The following COBLL1 variants were observed in gnomAD, a reference collection of about 807,000 sequenced individuals.
COBLL1 encodes the protein cordon-bleu protein-like 1.
COBLL1 carries 50 observed loss-of-function variants against 94.8 expected under a neutral mutation model. The observed-to-expected ratio is 0.53, with a 90% CI of 0.42 to 0.67. The LOEUF is 0.67. Ranked by LOEUF, COBLL1 falls within the 30% of genes least tolerant of loss-of-function variation. The pLI is 0.00. For missense variants in COBLL1, 1,362 were observed against 1,348.7 expected (o/e 1.01, Z -0.15); for synonymous variants, 448 against 473.8 (o/e 0.95, Z 0.71).
At chr2:164,667,977 C>T (rs1184823293) in intron 1 of COBLL1, among the ~76,000 whole-genome samples, 1 of 147,454 alleles carries the variant, frequency 6.8e-6, no homozygotes, top group Non-Finnish European at 1.5e-5. Context: ...TGGAGTCTCA[C>T]TCTATCGCCC....
chr2:164,698,299 GA>G (rs1312493843), intron 11 of COBLL1: 2 of 151,498 alleles, frequency 1.3e-5, no homozygotes, highest in Admixed American at 1.3e-4. Context: ...TTCTCAGTAT[GA>G]TATCTCACAA....
At chr2:164,790,608 C>T (rs777679844) in intron 2 of COBLL1, among the ~76,000 whole-genome samples, 75 of 152,286 alleles carry the variant, frequency 4.9e-4, no homozygotes, top group Admixed American at 5.2e-4. Context: ...CCAGTGACAA[C>T]ACTGAGGACT....
Position 164,695,711 on chromosome 2 carries a change from T to C in COBLL1, c.1681A>G (p.Arg561Gly). The C allele has an allele frequency of 6.2e-7, 1 of 1,613,916 alleles. No individual in the cohort carries two copies. The highest frequency in any genetic ancestry group is 8.5e-7 in the Non-Finnish European group (1 of 1,179,862). The change falls in exon 12 of 14, where the codon AGA becomes GGA. Residue 561 changes from arginine to glycine, a missense_variant. By Grantham distance (125) the Arg-to-Gly change is moderately radical. Transcript: ENST00000652658. Reference protein sequence around the residue: ...KNNNIDMEVERPSNSEAHETD... With the variant: ...KNNNIDMEVEGPSNSEAHETD... ...TCATGTGCCTCAGAGTTTGATGGTC[T>C]CTCAACTTCCATATCAATGTTGTTA... is the stretch of plus-strand genomic sequence containing the variant.
intron 7 of COBLL1, among the ~76,000 whole-genome samples, chr2:164,709,757 G>A (rs930709884): frequency 2.0e-5 from 3 of 152,002 alleles, no homozygotes; most frequent in African/African-American, 7.2e-5. Flanking sequence ...AAAGACATTA[G>A]AGGAAAGTGA....
At chr2:164,689,569 T>A (rs968239292) in intron 13 of COBLL1, among the ~76,000 whole-genome samples, 1 of 152,160 alleles carries the variant, frequency 6.6e-6, no homozygotes, top group African/African-American at 2.4e-5. Flanking sequence ...AAATAGAATA[T>A]ATGTATAGAA....
At chr2:164,766,455 G>A (rs1215990717) in intron 2 of COBLL1, among the ~76,000 whole-genome samples, 1 of 152,092 alleles carries the variant, frequency 6.6e-6, no homozygotes, top group Non-Finnish European at 1.5e-5. Flanking sequence ...ATTTAAAAGT[G>A]TGTGGCACCT....
chr2:164,807,955 G>A (rs894207734), intron 2 of COBLL1, among the ~76,000 whole-genome samples: 2 of 152,044 alleles, frequency 1.3e-5, no homozygotes, highest in African/African-American at 2.4e-5. Context: ...GAGTAGCTGG[G>A]ACTACAGGCA....
chr2:164,689,570 A>G (rs1348577551), intron 13 of COBLL1, among the ~76,000 whole-genome samples: 2 of 152,186 alleles, frequency 1.3e-5, no homozygotes, highest in African/African-American at 4.8e-5. Flanking sequence ...AATAGAATAT[A>G]TGTATAGAAA....
At chr2:164,798,184 T>G (rs572358577) in intron 2 of COBLL1, among the ~76,000 whole-genome samples, 1 of 152,370 alleles carries the variant, frequency 6.6e-6, no homozygotes, top group East Asian at 1.9e-4. Flanking sequence ...TAAAAAAATC[T>G]AAGGCTCTTA....
chr2:164,717,598 G>A (rs796257180), intron 7 of COBLL1, among the ~76,000 whole-genome samples: 16 of 152,302 alleles, frequency 1.1e-4, no homozygotes, highest in African/African-American at 3.8e-4. Flanking sequence ...CTGTCACCCA[G>A]GCCGGAGTGC....
Position 164,722,584 on chromosome 2 carries a change from T to C in COBLL1, c.662-62A>G, listed in dbSNP as rs1465757268. ...AGGTTGACTGTTCACTTCCAAGATT[T>C]CTTTCTCTTACTTCCCCTTTGCAAA... is the stretch of plus-strand genomic sequence containing the variant. On this transcript the variant is annotated intron_variant, in intron 5 of 13. Coordinates refer to ENST00000652658, the MANE Select transcript of COBLL1 (RefSeq NM_001365672.2). 4.4e-6 allele frequency: 4 copies of C among 903,042 alleles called. No homozygotes were observed. In the Admixed American group the frequency reaches 8.3e-5, roughly 19 times the overall value. The allele number at this position is 903,042 out of a possible 1,614,324, so 55.9% of individuals were successfully genotyped here.
At position 164,749,976 on chromosome 2, in the gene COBLL1, C is replaced by T. The variant is rs193200876; in HGVS notation, c.42-6101G>A. 2.9e-4 allele frequency among the ~76,000 whole-genome samples: 44 copies of T among 152,280 alleles called. 1 individual carries two copies. The highest frequency in any genetic ancestry group is 2.0e-3 in the Admixed American group (31 of 15,294). On this transcript the variant is annotated intron_variant, in intron 2 of 13. Transcript: ENST00000652658. ...TCTACTGTTTCTTCCTTCTTCACTG[C>T]CACTCCTCAGTCTCCCCATCCTCAC...
At chr2:164,731,277 A>C (rs1357272767) in intron 3 of COBLL1, among the ~76,000 whole-genome samples, 1 of 152,212 alleles carries the variant, frequency 6.6e-6, no homozygotes, top group East Asian at 1.9e-4. Flanking sequence ...GAAATAAAGT[A>C]AATGCATGAG....
chr2:164,692,479 A>G (rs1574416586), intron 12 of COBLL1, 82 bp from the exon 13 acceptor site: 1 of 1,095,384 alleles, frequency 9.1e-7, no homozygotes. Context: ...CATCATCAAT[A>G]GTTCTTTAAC....
chr2:164,728,158 T>C lies in COBLL1; in HGVS notation c.472A>G (p.Lys158Glu), dbSNP rs570773387. The change falls in exon 5 of 14, where the codon AAG becomes GAG. Residue 158 changes from lysine (K) to glutamate (E), a missense_variant. Coordinates refer to ENST00000652658, the MANE Select transcript of COBLL1 (RefSeq NM_001365672.2). ...RVVINFKKTQ[K>E]TIVRVSPHAS... Reference sequence around the variant, plus strand: ...TGTGGACTCACTCTCACTATGGTCTTCTGTGTTTTCTTAAAATTAATCACT... The same window carrying C: ...TGTGGACTCACTCTCACTATGGTCTCCTGTGTTTTCTTAAAATTAATCACT... 6.2e-7 allele frequency: 1 copy of C among 1,613,646 alleles called. No homozygotes were observed. Among genetic ancestry groups the C allele is most frequent in the Non-Finnish European group, 8.5e-7 (1 of 1,179,616 alleles).
intron 2 of COBLL1, among the ~76,000 whole-genome samples, chr2:164,785,541 TA>T (rs1180392431): frequency 2.0e-5 from 3 of 152,264 alleles, no homozygotes; most frequent in Non-Finnish European, 4.4e-5. Context: ...AGGAAAACAA[TA>T]GGCAAAGCCC....
At chr2:164,782,037 T>C (rs1688743633) in intron 2 of COBLL1, among the ~76,000 whole-genome samples, 1 of 152,190 alleles carries the variant, frequency 6.6e-6, no homozygotes, top group Non-Finnish European at 1.5e-5. Flanking sequence ...AATGGAACTT[T>C]TACCCTCATA....
chr2:164,835,547 G>A (rs1463281252), intron 2 of COBLL1, among the ~76,000 whole-genome samples: 1 of 152,116 alleles, frequency 6.6e-6, no homozygotes, highest in Non-Finnish European at 1.5e-5. Flanking sequence ...TTTGCCAGAT[G>A]GAAGGAGTTA....
At chr2:164,796,003 C>T (rs1178237430) in intron 2 of COBLL1, among the ~76,000 whole-genome samples, 2 of 152,124 alleles carry the variant, frequency 1.3e-5, no homozygotes, top group Non-Finnish European at 2.9e-5. Flanking sequence ...CGCATGGTGG[C>T]ACACAGGACC....
Sources: gnomAD v4.1 joint callset for allele counts (sites outside exome capture counted in the v4.1 genomes callset) on GRCh38, gnomAD v4.1.1 for gene constraint, MANE v1.5 for transcripts, NCBI Gene and HGNC (gene_info 2026-07-23, HGNC 2026-07-21) for gene names.